Variants in RBFOX1 observed in about 807,000 individuals in gnomAD.
The protein encoded by RBFOX1 is RNA binding protein fox-1 homolog 1.
A neutral mutation model predicts 57.7 loss-of-function variants in RBFOX1; 8 were observed. That is an observed-to-expected ratio of 0.14 (90% CI 0.08 to 0.25). The LOEUF (loss-of-function observed/expected upper bound fraction) is 0.25, where lower values mean the gene tolerates loss of function less well. RBFOX1 is among the 10% of genes least tolerant of loss of function. RBFOX1 has a pLI of 1.00. For missense variants in RBFOX1, 611 were observed against 548.5 expected (o/e 1.11, Z -1.14); for synonymous variants, 326 against 222.4 (o/e 1.47, Z -4.15).
intron 4 of RBFOX1, among the ~76,000 whole-genome samples, chr16:7,343,383 G>C (rs1033779078): frequency 3.3e-5 from 5 of 152,180 alleles, no homozygotes; most frequent in African/African-American, 1.2e-4. Context: ...GCATCAGAGT[G>C]ACAGGGGGCG....
intron 2 of RBFOX1, among the ~76,000 whole-genome samples, chr16:6,522,158 T>A (rs1307388581): frequency 1.6e-5 from 2 of 123,362 alleles, no homozygotes; most frequent in South Asian, 2.4e-4. Flanking sequence ...ACCCACAGTG[T>A]GTGTGTGTGT....
At chr16:7,061,704 A>G (rs975646401) in intron 4 of RBFOX1, among the ~76,000 whole-genome samples, 1 of 152,166 alleles carries the variant, frequency 6.6e-6, no homozygotes, top group Non-Finnish European at 1.5e-5. Context: ...TTGCTTTATC[A>G]TTAAATCTGT....
intron 2 of RBFOX1, among the ~76,000 whole-genome samples, chr16:6,479,771 C>T (rs1375320962): frequency 6.6e-6 from 1 of 151,800 alleles, no homozygotes; most frequent in Non-Finnish European, 1.5e-5. Flanking sequence ...CAGTCTAGGC[C>T]AGGCACGGTG....
intron 3 of RBFOX1, among the ~76,000 whole-genome samples, chr16:6,719,505 A>T (rs2065511985): frequency 6.6e-6 from 1 of 151,114 alleles, no homozygotes; most frequent in African/African-American, 2.4e-5. Flanking sequence ...CAGTGGCATG[A>T]TCTTGGCTCA....
chr16:6,875,696 C>G (rs190550318), intron 3 of RBFOX1, among the ~76,000 whole-genome samples: 130 of 152,326 alleles, frequency 8.5e-4, no homozygotes, highest in South Asian at 2.9e-3. Flanking sequence ...CTCCCCTTCT[C>G]TGGTAGCCTA....
At chr16:7,131,175 T>G (rs2070257822) in intron 4 of RBFOX1, among the ~76,000 whole-genome samples, 1 of 151,722 alleles carries the variant, frequency 6.6e-6, no homozygotes, top group Non-Finnish European at 1.5e-5. Flanking sequence ...TGAAACCACA[T>G]CTCTACTAAA....
chr16:7,408,741 TC>T (rs2098387815), intron 4 of RBFOX1, among the ~76,000 whole-genome samples: 1 of 152,206 alleles, frequency 6.6e-6, no homozygotes, highest in Non-Finnish European at 1.5e-5. Context: ...TTGAACAGCA[TC>T]CCTGGCCTCC....
At chr16:5,881,350 G>C (rs140643338) in intron 4 of RBFOX1, among the ~76,000 whole-genome samples, 1 of 152,142 alleles carries the variant, frequency 6.6e-6, no homozygotes, top group Non-Finnish European at 1.5e-5. Flanking sequence ...TTAACCTGTG[G>C]CTTCTTCTTT....
chr16:5,753,541 T>C (rs1039243819), intron 3 of RBFOX1, among the ~76,000 whole-genome samples: 1 of 152,138 alleles, frequency 6.6e-6, no homozygotes, highest in Non-Finnish European at 1.5e-5. Context: ...ATAGGACCTC[T>C]CCTCCAGTGG....
intron 1 of RBFOX1, among the ~76,000 whole-genome samples, chr16:5,264,413 C>T (rs2151106326): frequency 6.6e-6 from 1 of 152,052 alleles, no homozygotes; most frequent in East Asian, 1.9e-4. Flanking sequence ...CAGTGGTCCC[C>T]AAATGGTGTT....
intron 2 of RBFOX1, among the ~76,000 whole-genome samples, chr16:6,441,182 G>C (rs2094371782): frequency 6.6e-6 from 1 of 152,102 alleles, no homozygotes; most frequent in Non-Finnish European, 1.5e-5. Context: ...AGCTGTATGA[G>C]GGATGGGGCT....
At chr16:6,895,647 C>A (rs558958849) in intron 3 of RBFOX1, among the ~76,000 whole-genome samples, 3 of 150,738 alleles carry the variant, frequency 2.0e-5, no homozygotes, top group Non-Finnish European at 3.0e-5. Context: ...CTTGACAATG[C>A]CAATGTTTTG....
chr16:7,483,953 C>A (rs1439622756), intron 4 of RBFOX1, among the ~76,000 whole-genome samples: 2 of 152,222 alleles, frequency 1.3e-5, no homozygotes, highest in East Asian at 3.9e-4. Context: ...GTCTCCACTA[C>A]AGTTCCTTGA....
chr16:5,267,294 AG>A (rs1388474717), intron 1 of RBFOX1, among the ~76,000 whole-genome samples: 3 of 100,156 alleles, frequency 3.0e-5, no homozygotes, highest in African/African-American at 4.9e-5. Context: ...CCCACACATA[AG>A]GGTTTTTTTT....
chr16:5,961,882 G>T (rs2059757276), intron 4 of RBFOX1, among the ~76,000 whole-genome samples: 1 of 152,084 alleles, frequency 6.6e-6, no homozygotes, highest in Non-Finnish European at 1.5e-5. Flanking sequence ...GTTGCTTCTA[G>T]GAGAAACTCC....
At chr16:6,475,393 A>G (rs528761705) in intron 2 of RBFOX1, among the ~76,000 whole-genome samples, 7 of 152,282 alleles carry the variant, frequency 4.6e-5, no homozygotes, top group African/African-American at 1.7e-4. Flanking sequence ...TGCTTAAAGG[A>G]AGTCTGCTAC....
chr16:7,431,530 G>T (rs1016662538), intron 4 of RBFOX1, among the ~76,000 whole-genome samples: 1 of 152,164 alleles, frequency 6.6e-6, no homozygotes, highest in South Asian at 2.1e-4. Flanking sequence ...GTGAGCCACC[G>T]CGCCACTGTG....
chr16:6,078,878 CTG>C (rs1453842512), intron 1 of RBFOX1, among the ~76,000 whole-genome samples: 7 of 152,222 alleles, frequency 4.6e-5, no homozygotes, highest in Admixed American at 4.6e-4. Flanking sequence ...TATCTGAAAA[CTG>C]TGCATGGTGG....
chr16:6,911,165 G>A (rs2071483718), intron 3 of RBFOX1, among the ~76,000 whole-genome samples: 2 of 148,794 alleles, frequency 1.3e-5, no homozygotes, highest in South Asian at 2.1e-4. Context: ...TCGCACCATT[G>A]CACTCCAACC....
Sources: allele counts gnomAD v4.1 joint callset (sites outside exome capture counted in the v4.1 genomes callset), GRCh38; gene constraint gnomAD v4.1.1; transcripts MANE v1.5; gene names NCBI Gene and HGNC (gene_info 2026-07-23, HGNC 2026-07-21).